The following OR9Q1 variants were observed in gnomAD, a reference collection of about 807,000 sequenced individuals.
The protein encoded by OR9Q1 is olfactory receptor family 9 subfamily Q member 1, also known as olfactory receptor 9Q1.
For missense variants in OR9Q1, 374 were observed against 378.8 expected (o/e 0.99, Z 0.11); for synonymous variants, 153 against 148.6 (o/e 1.03, Z -0.22).
At chr11:58,139,758 C>T (rs1331047271) in intron 2 of OR9Q1, among the ~76,000 whole-genome samples, 1 of 152,070 alleles carries the variant, frequency 6.6e-6, no homozygotes, top group Non-Finnish European at 1.5e-5. Flanking sequence ...GTGCATGTGT[C>T]TTTATAGCAG....
At chr11:58,093,075 AT>A (rs1490546803) in intron 2 of OR9Q1, among the ~76,000 whole-genome samples, 1 of 152,196 alleles carries the variant, frequency 6.6e-6, no homozygotes, top group African/African-American at 2.4e-5. Context: ...ATGTTTGTAA[AT>A]TTGAGCAATT....
intron 2 of OR9Q1, among the ~76,000 whole-genome samples, chr11:58,170,638 G>A (rs544730070): frequency 1.3e-5 from 2 of 152,074 alleles, no homozygotes; most frequent in Non-Finnish European, 2.9e-5. Context: ...GAGTCATGGG[G>A]GTGGTTCCCC....
At chr11:58,146,262 C>T (rs1284914148) in intron 2 of OR9Q1, among the ~76,000 whole-genome samples, 1 of 152,174 alleles carries the variant, frequency 6.6e-6, no homozygotes, top group Non-Finnish European at 1.5e-5. Context: ...AAACCATTAT[C>T]TACTTTTATC....
chr11:58,161,076 A>T (rs570889209), intron 2 of OR9Q1, among the ~76,000 whole-genome samples: 1 of 148,570 alleles, frequency 6.7e-6, no homozygotes, highest in African/African-American at 2.5e-5. Context: ...GGGGAACATC[A>T]CACACTGGGG....
intron 2 of OR9Q1, among the ~76,000 whole-genome samples, chr11:58,165,837 A>G (rs917789989): frequency 3.3e-5 from 5 of 152,216 alleles, no homozygotes; most frequent in African/African-American, 1.2e-4. Context: ...ATCTTTTGGG[A>G]AATTCCTTCA....
intron 2 of OR9Q1, among the ~76,000 whole-genome samples, chr11:58,167,498 A>G (rs1854516201): frequency 6.6e-6 from 1 of 152,188 alleles, no homozygotes; most frequent in Non-Finnish European, 1.5e-5. Context: ...TTATCAATAT[A>G]TCAGTCATCT....
intron 2 of OR9Q1, among the ~76,000 whole-genome samples, chr11:58,081,177 A>C (rs918012622): frequency 3.3e-5 from 5 of 152,082 alleles, no homozygotes. Flanking sequence ...ATAGTATTCC[A>C]TGGTGTATAT....
chr11:58,063,024 C>T (rs1191450312), intron 2 of OR9Q1, among the ~76,000 whole-genome samples: 6 of 152,294 alleles, frequency 3.9e-5, no homozygotes, highest in Admixed American at 1.3e-4. Flanking sequence ...TGGCCTCACA[C>T]GTGCCTCATG....
chr11:58,069,748 G>T (rs561598842), intron 2 of OR9Q1, among the ~76,000 whole-genome samples: 1 of 151,702 alleles, frequency 6.6e-6, no homozygotes, highest in African/African-American at 2.4e-5. Context: ...GTACATGCCT[G>T]TAGTCCTAGC....
intron 2 of OR9Q1, among the ~76,000 whole-genome samples, chr11:58,103,409 T>G (rs1853809426): frequency 6.6e-6 from 1 of 152,180 alleles, no homozygotes; most frequent in African/African-American, 2.4e-5. Flanking sequence ...TATAGGCAAA[T>G]CATATCAGTA....
chr11:58,094,807 G>A (rs1000227201), intron 2 of OR9Q1, among the ~76,000 whole-genome samples: 5 of 152,142 alleles, frequency 3.3e-5, no homozygotes, highest in Non-Finnish European at 5.9e-5. Flanking sequence ...ACAGAATGAC[G>A]TGTAAACACA....
At chr11:58,030,867 A>T in intron 1 of OR9Q1, 2 of 797,884 alleles carry the variant, frequency 2.5e-6, no homozygotes, top group Non-Finnish European at 2.1e-6. Context: ...AAGGCATTTT[A>T]GTACAACATC....
At chr11:58,140,809 TC>T (rs1299378633) in intron 2 of OR9Q1, among the ~76,000 whole-genome samples, 5 of 152,310 alleles carry the variant, frequency 3.3e-5, no homozygotes, top group Admixed American at 3.3e-4. Flanking sequence ...AGTAGTTTTT[TC>T]CAATTCAGTG....
intron 2 of OR9Q1, among the ~76,000 whole-genome samples, chr11:58,160,541 C>G (rs1854447594): frequency 6.6e-6 from 1 of 152,044 alleles, no homozygotes; most frequent in Non-Finnish European, 1.5e-5. Flanking sequence ...CTCACTGTAA[C>G]CTCAAACTCC....
At chr11:58,072,878 GT>G (rs1853501416) in intron 2 of OR9Q1, 1 of 153,850 alleles carries the variant, frequency 6.5e-6, no homozygotes, top group Non-Finnish European at 1.5e-5. Flanking sequence ...CTCCAGGAAA[GT>G]TTAGATGTAT....
At chr11:58,025,926 A>G (rs1022094315) in intron 1 of OR9Q1, among the ~76,000 whole-genome samples, 1 of 151,934 alleles carries the variant, frequency 6.6e-6, no homozygotes, top group African/African-American at 2.4e-5. Flanking sequence ...TGGTTTTGTC[A>G]GTTAAGGATT....
At chr11:58,088,979 C>T (rs1282188541) in intron 2 of OR9Q1, among the ~76,000 whole-genome samples, 5 of 151,696 alleles carry the variant, frequency 3.3e-5, no homozygotes, top group Middle Eastern at 3.4e-3. Context: ...TGGGTTCAAG[C>T]GATTCTCCTG....
intron 2 of OR9Q1, among the ~76,000 whole-genome samples, chr11:58,083,949 T>C (rs985538269): frequency 3.3e-5 from 5 of 151,986 alleles, no homozygotes; most frequent in Admixed American, 6.6e-5. Context: ...TGGTCTCTTT[T>C]TTCTTCCATA....
chr11:58,153,417 T>C (rs1003901620), intron 2 of OR9Q1, among the ~76,000 whole-genome samples: 1 of 152,136 alleles, frequency 6.6e-6, no homozygotes, highest in Non-Finnish European at 1.5e-5. Flanking sequence ...TGGGGACTGT[T>C]GTGGAAGATT....
Sources: gnomAD v4.1 joint callset for allele counts (sites outside exome capture counted in the v4.1 genomes callset) on GRCh38, gnomAD v4.1.1 for gene constraint, MANE v1.5 for transcripts, NCBI Gene and HGNC (gene_info 2026-07-23, HGNC 2026-07-21) for gene names.